GAB4: variants seen among roughly 807,000 people sequenced by gnomAD.
GAB4 encodes GRB2-associated-binding protein 4.
Under a neutral mutation model 51.3 loss-of-function variants are expected in GAB4, and 26 were observed. The observed-to-expected ratio is 0.51, with a 90% confidence interval of 0.37 to 0.70. GAB4 has a LOEUF of 0.70. Ranked by LOEUF, GAB4 falls within the 30% of genes least tolerant of loss-of-function variation. The pLI, the probability that GAB4 is intolerant of heterozygous loss-of-function variation, is 0.00. For synonymous variants in GAB4, 329 were observed against 291.2 expected, an observed-to-expected ratio of 1.13 and a Z score of -1.32; for missense variants, 759 against 734.6, an observed-to-expected ratio of 1.03 and a Z score of -0.38.
chr22:16,985,612 C>G (rs1273854902), intron 3 of GAB4, among the ~76,000 whole-genome samples: 1 of 152,222 alleles, frequency 6.6e-6, no homozygotes, highest in African/African-American at 2.4e-5. Context: ...TCTCCATCTC[C>G]CCTTGGAATT....
chr22:16,973,862 T>C (rs1360784796), intron 3 of GAB4, among the ~76,000 whole-genome samples: 1 of 152,242 alleles, frequency 6.6e-6, no homozygotes, highest in African/African-American at 2.4e-5. Flanking sequence ...TGTTGGTTTC[T>C]GGGTCTGTGT....
chr22:16,978,912 C>A (rs2060803562), intron 3 of GAB4, among the ~76,000 whole-genome samples: 1 of 152,134 alleles, frequency 6.6e-6, no homozygotes, highest in Non-Finnish European at 1.5e-5. Context: ...ATCATATAAA[C>A]AGAACCAATG....
chr22:16,992,084 C>T lies in GAB4; in HGVS notation c.267G>A (p.Lys89=), dbSNP rs762018571. The T allele has an allele frequency of 2.5e-6, 4 of 1,614,070 alleles. No homozygotes were observed. The highest frequency in any genetic ancestry group is 3.4e-6 in the Non-Finnish European group (4 of 1,180,030). Residue 89 remains lysine, a synonymous_variant, in exon 2 of 10, where the codon AAG becomes AAA. Transcript: ENST00000400588. Reference sequence around the variant, plus strand: ...GGTTCAGGTTGATGGTGCGCAGGGGCTTCTTGGAGCCATCATTCTTGTAGT... The same window carrying T: ...GGTTCAGGTTGATGGTGCGCAGGGGTTTCTTGGAGCCATCATTCTTGTAGT... ...LEYYKNDGSK[K]PLRTINLNLC...
rs539055537 is a variant in GAB4, at chr22:16,969,840, T to C, written c.937+103A>G. ...GTCTAACGTGACTGTCCTAGGAATC[T>C]GGTGCACTGAGAGTGGGGTGGCCGG... On this transcript the variant is annotated intron_variant, in intron 4 of 9. Coordinates refer to ENST00000400588, the MANE Select transcript of GAB4 (RefSeq NM_001037814.1). 158 of 1,359,292 alleles carry C rather than the reference T, an allele frequency of 1.2e-4. No homozygotes were observed. In the African/African-American group the frequency reaches 1.2e-3, roughly 11 times the overall value. 84.2% of individuals were successfully genotyped at this position (1,359,292 alleles called of 1,614,324 possible). A position where few individuals can be genotyped will look rare whatever the true frequency, so the allele number is the denominator to read the frequency against.
At chr22:16,996,414 C>T (rs1308450770) in intron 1 of GAB4, among the ~76,000 whole-genome samples, 2 of 152,058 alleles carry the variant, frequency 1.3e-5, no homozygotes. Context: ...ACTTCCCCAA[C>T]CAAGCAAGAC....
At chr22:16,963,883 A>C in intron 8 of GAB4, 54 bp from the exon 9 acceptor site, 2 of 1,372,940 alleles carry the variant, frequency 1.5e-6, no homozygotes, top group Non-Finnish European at 2.1e-6. Flanking sequence ...CAGACCCAGC[A>C]CCCAGTGGAA....
intron 3 of GAB4, among the ~76,000 whole-genome samples, chr22:16,976,682 C>A (rs9618951): frequency 6.6e-6 from 1 of 152,100 alleles, no homozygotes; most frequent in African/African-American, 2.4e-5. Context: ...CACCAAGATA[C>A]TCCTTGAGAA....
intron 1 of GAB4, among the ~76,000 whole-genome samples, chr22:17,000,783 G>A (rs1424512956): frequency 6.6e-6 from 1 of 152,158 alleles, no homozygotes; most frequent in African/African-American, 2.4e-5. Context: ...TGCAAAGGTT[G>A]TCCTTTCCAT....
Position 16,962,863 on chromosome 22 carries a change from G to C in GAB4, c.1595C>G (p.Ser532Cys). The C allele has an allele frequency of 6.2e-7, 1 of 1,613,002 alleles. No individual in the cohort carries two copies. The highest frequency in any genetic ancestry group is 8.5e-7 in the Non-Finnish European group (1 of 1,179,424). ...GTCCACCTTCTTGCCGGACGTGACA[G>C]AGCCTATGGATGGCTGAGGGACAGA... ...DFQPSKPSIG[S>C]VTSGKKVDYV... is the part of the protein sequence containing the mutation. The change falls in exon 10 of 10, where the codon TCT (serine) becomes TGT (cysteine). Residue 532 changes from serine (S) to cysteine (C), a missense_variant. Transcript: ENST00000400588.
chr22:16,999,086 T>C (rs879237709), intron 1 of GAB4, among the ~76,000 whole-genome samples: 1 of 152,238 alleles, frequency 6.6e-6, no homozygotes, highest in Non-Finnish European at 1.5e-5. Context: ...ATCAGGGATA[T>C]TGGTCTAAAA....
chr22:17,005,626 A>G (rs1305538662), intron 1 of GAB4, among the ~76,000 whole-genome samples: 1 of 152,012 alleles, frequency 6.6e-6, no homozygotes, highest in African/African-American at 2.4e-5. Flanking sequence ...AGTAACCAAA[A>G]CATGTTACTG....
intron 3 of GAB4, among the ~76,000 whole-genome samples, chr22:16,972,465 G>C (rs1368845985): frequency 6.6e-6 from 1 of 152,234 alleles, no homozygotes; most frequent in Non-Finnish European, 1.5e-5. Flanking sequence ...CTCAGGTTGA[G>C]AGATGACAGT....
At position 16,992,085 on chromosome 22, in the gene GAB4, T is replaced by C. The variant is rs371575879; in HGVS notation, c.266A>G (p.Lys89Arg). The part of the protein sequence containing the change: ...LEYYKNDGSK[K>R]PLRTINLNLC... Reference sequence around the variant, plus strand: ...GTTCAGGTTGATGGTGCGCAGGGGCTTCTTGGAGCCATCATTCTTGTAGTA... The same window carrying C: ...GTTCAGGTTGATGGTGCGCAGGGGCCTCTTGGAGCCATCATTCTTGTAGTA... Residue 89 changes from lysine (K) to arginine (R), a missense_variant, in exon 2 of 10, where the codon AAG becomes AGG. Around this residue, in one of 3 missense-constraint regions of GAB4, gnomAD observed 88 missense variants for 151.3 expected, o/e 0.58. Coordinates refer to ENST00000400588, the MANE Select transcript of GAB4 (RefSeq NM_001037814.1). 6.2e-6 allele frequency: 10 copies of C among 1,614,092 alleles called. No individual in the cohort carries two copies. The highest frequency in any genetic ancestry group is 8.5e-6 in the Non-Finnish European group (10 of 1,180,024).
At chr22:16,994,350 C>T (rs902434909) in intron 1 of GAB4, among the ~76,000 whole-genome samples, 7 of 152,180 alleles carry the variant, frequency 4.6e-5, no homozygotes, top group East Asian at 1.9e-4. Flanking sequence ...AGATTGAAGA[C>T]TGAGGCATAG....
At chr22:16,969,553 A>G (rs745367827) in intron 4 of GAB4, 2 of 501,258 alleles carry the variant, frequency 4.0e-6, no homozygotes, top group Non-Finnish European at 7.0e-6. Flanking sequence ...CTAGCTAACC[A>G]CTGAGAACCC....
intron 8 of GAB4, among the ~76,000 whole-genome samples, 155 bp from the exon 9 acceptor site, chr22:16,963,984 C>T (rs986815677): frequency 6.6e-6 from 1 of 152,146 alleles, no homozygotes; most frequent in Non-Finnish European, 1.5e-5. Context: ...TTTCAGCAGT[C>T]CTGTGAGCCA....
chr22:16,969,771 G>A (rs1429127809), intron 4 of GAB4, 172 bp downstream of exon 4: 2 of 793,718 alleles, frequency 2.5e-6, no homozygotes, highest in African/African-American at 1.7e-5. Context: ...GGGAAGGGAG[G>A]CTATGGGCCC....
At chr22:17,004,002 T>TC (rs1271717878) in intron 1 of GAB4, among the ~76,000 whole-genome samples, 3 of 152,088 alleles carry the variant, frequency 2.0e-5, no homozygotes, top group Non-Finnish European at 4.4e-5. Flanking sequence ...TCACCGCTGA[T>TC]CCCACAGAAA....
rs756464836 is a variant in GAB4 at position 16,968,398 on chromosome 22, G to A, written c.938-15C>T. Reference sequence around the variant, plus strand: ...GCCGGAGGAAGCTACGACAGAGGAAGGAGATCCACATGCATCACAGCTGAT... The same window carrying A: ...GCCGGAGGAAGCTACGACAGAGGAAAGAGATCCACATGCATCACAGCTGAT... On this transcript the variant is annotated splice_polypyrimidine_tract_variant and intron_variant, in intron 4 of 9. Coordinates refer to ENST00000400588, the MANE Select transcript of GAB4 (RefSeq NM_001037814.1). 1 of 1,602,236 alleles carries A rather than the reference G, an allele frequency of 6.2e-7. No homozygotes were observed. Among genetic ancestry groups the A allele is most frequent in the Admixed American group, 1.7e-5 (1 of 60,002 alleles).
Sources: gnomAD v4.1 joint callset for allele counts (sites outside exome capture counted in the v4.1 genomes callset) on GRCh38, gnomAD v4.1.1 for gene constraint, gnomAD v4.1.1 regional missense constraint, MANE v1.5 for transcripts, NCBI Gene and HGNC (gene_info 2026-07-23, HGNC 2026-07-21) for gene names.